Variants in IPO4 observed in about 807,000 individuals in gnomAD.
The protein encoded by IPO4 is importin-4.
Under a neutral mutation model 133.5 loss-of-function variants are expected in IPO4, and 91 were observed. That is an observed-to-expected ratio of 0.68 (90% CI 0.58 to 0.81). The LOEUF (loss-of-function observed/expected upper bound fraction) is 0.81, where lower values mean the gene tolerates loss of function less well. Ranked by LOEUF, IPO4 falls within the 30% of genes least tolerant of loss-of-function variation. The pLI, the probability that IPO4 is intolerant of heterozygous loss-of-function variation, is 0.00. For missense variants in IPO4, 1,279 were observed against 1,386.2 expected (o/e 0.92, Z 1.23); for synonymous variants, 607 against 581.6 (o/e 1.04, Z -0.63).
rs369076527 is a variant in IPO4 at position 24,183,140 on chromosome 14, G to T, written c.2257C>A (p.Pro753Thr). 6.8e-6 allele frequency: 11 copies of T among 1,613,530 alleles called. No individual in the cohort carries two copies. The African/African-American group carries it at 1.2e-4, about 18-fold the overall frequency. The change falls in exon 23 of 30, where the codon CCA becomes ACA. Residue 753 changes from proline (P) to threonine (T), a missense_variant. Physicochemically the swap from Pro to Thr is conservative, Grantham distance 38. Around this residue, in one of 3 missense-constraint regions of IPO4, gnomAD observed 575 missense variants for 653.4 expected, o/e 0.88. Transcript: ENST00000354464. ...ALQAALARVV[P>T]SYMQAVNRER... ...CTGTTCACTGCCTGCATGTAGGATG[G>T]CACGACTCGGGCCAGGGCAGCCTGC...
chr14:24,181,738 G>A lies in IPO4; in HGVS notation c.2913C>T (p.Ala971=), dbSNP rs1566641078. The part of the protein sequence containing the change: ...ICGALARLLM[A]SPTRKPEPQV... The stretch of plus-strand genomic sequence containing the variant: ...GGGGCTCTGGTTTCCTGGTGGGACT[G>A]GCCATCAACAGGCGGGCAAGTGCCC... The change falls in exon 27 of 30, where the codon GCC becomes GCT. Residue 971 remains alanine, a synonymous_variant. Transcript: ENST00000354464. 2.5e-6 allele frequency: 4 copies of A among 1,602,492 alleles called. No homozygotes were observed. The South Asian group carries it at 4.5e-5, about 18-fold the overall frequency.
rs2138823550 is a variant in IPO4, at chr14:24,188,795, A to G, written c.-8T>C. The G allele has an allele frequency of 2.7e-6, 4 of 1,495,018 alleles. No individual in the cohort carries two copies. The South Asian group carries it at 5.5e-5, about 20-fold the overall frequency. The allele number at this position is 1,495,018 out of a possible 1,614,324, so 92.6% of individuals were successfully genotyped here. A position where few individuals can be genotyped will look rare whatever the true frequency, so the allele number is the denominator to read the frequency against. On this transcript the variant is annotated 5_prime_UTR_variant, in exon 1 of 30. Transcript: ENST00000354464. ...TAGCCCGGCTGACTCCATGGCAGCA[A>G]CTGAGCCGCCGCTACTGGGCCGAAA...
At position 24,183,685 on chromosome 14, in the gene IPO4, G is replaced by A. The variant is rs777925556; in HGVS notation, c.1986-18C>T. 1.9e-6 allele frequency: 3 copies of A among 1,614,130 alleles called. No homozygotes were observed. The highest frequency in any genetic ancestry group is 2.2e-5 in the East Asian group (1 of 44,882). ...CGCTGTACCTAGAGTAAGAAGGGGA[G>A]GCAGTGGTGATCAGGCACCAAGAGG... On this transcript the variant is annotated intron_variant, in intron 19 of 29. Coordinates refer to ENST00000354464, the MANE Select transcript of IPO4 (RefSeq NM_024658.4).
Position 24,186,381 on chromosome 14 carries a change from G to C in IPO4, c.911C>G (p.Pro304Arg), listed in dbSNP as rs1200116305. Reference sequence around the variant, plus strand: ...GTCCTCGGGATCCAACTGGCCTGGTGGGGGCTCAGCAGCCACAATGGGGAA... The same window carrying C: ...GTCCTCGGGATCCAACTGGCCTGGTCGGGGCTCAGCAGCCACAATGGGGAA... ...TLFPIVAAEPPPGQLDPEDQD... is the reference protein window; with the variant it reads ...TLFPIVAAEPRPGQLDPEDQD... Residue 304 changes from proline (P) to arginine (R), a missense_variant, in exon 10 of 30, where the codon CCA (proline) becomes CGA (arginine). Transcript: ENST00000354464. 6.2e-7 allele frequency: 1 copy of C among 1,612,844 alleles called. No homozygotes were observed.
At chr14:24,188,169 C>T (rs1300902740) in intron 4 of IPO4, 47 bp downstream of exon 4, 1 of 1,592,302 alleles carries the variant, frequency 6.3e-7, no homozygotes, top group Non-Finnish European at 8.6e-7. Context: ...AAGGCAGAAA[C>T]CTAGACAAAG....
At chr14:24,186,607 C>T (rs1223617268) in intron 9 of IPO4, 101 bp downstream of exon 9, 56 of 1,368,168 alleles carry the variant, frequency 4.1e-5, no homozygotes, top group Non-Finnish European at 5.6e-5. Context: ...CTTGAACCCC[C>T]ACAGTACTTT....
At chr14:24,185,995 T>A (rs777342441) in intron 11 of IPO4, 25 bp from the exon 12 acceptor site, 156 of 1,607,708 alleles carry the variant, frequency 9.7e-5, no homozygotes, top group Non-Finnish European at 4.3e-6. Context: ...GGCACGCTTC[T>A]GAAACCCCAG....
chr14:24,186,676 G>A (rs1349275110), intron 9 of IPO4, 32 bp downstream of exon 9: 1 of 1,571,988 alleles, frequency 6.4e-7, no homozygotes, highest in East Asian at 2.2e-5. Flanking sequence ...AGATGGGGGT[G>A]GGGTGATGTG....
intron 24 of IPO4, 107 bp downstream of exon 24, chr14:24,182,683 CTT>C (rs2039159404): frequency 1.6e-6 from 2 of 1,278,806 alleles, no homozygotes; most frequent in Admixed American, 1.7e-5. Flanking sequence ...TTACCAGTCT[CTT>C]TTAGTGGCCC....
intron 24 of IPO4, 105 bp from the exon 25 acceptor site, chr14:24,182,508 G>C: frequency 1.4e-6 from 2 of 1,466,424 alleles, no homozygotes; most frequent in Non-Finnish European, 1.8e-6. Flanking sequence ...GGCTGCCCTT[G>C]GTTGATAGGG....
chr14:24,180,402 G>A lies in IPO4; in HGVS notation c.*40C>T, dbSNP rs1312927000. On this transcript the variant is annotated 3_prime_UTR_variant, in exon 30 of 30. Transcript: ENST00000354464. The stretch of plus-strand genomic sequence containing the variant: ...GGCTGAGAGGTGGTCTTAAGGCCTG[G>A]GCAGGCTCTATTCTCTCTGGACTGG... 6.3e-6 allele frequency: 10 copies of A among 1,589,400 alleles called. No homozygotes were observed. The highest frequency in any genetic ancestry group is 1.7e-5 in the Admixed American group (1 of 58,060).
intron 4 of IPO4, 41 bp from the exon 5 acceptor site, chr14:24,187,837 C>T (rs1479327473): frequency 1.2e-6 from 2 of 1,611,628 alleles, no homozygotes; most frequent in East Asian, 2.2e-5. Flanking sequence ...CCTTCAATAC[C>T]TTCCTCTGCA....
chr14:24,180,289 C>G lies in IPO4; in HGVS notation c.*153G>C, dbSNP rs1284191318. The G allele has an allele frequency of 2.0e-6, 3 of 1,521,620 alleles. No homozygotes were observed. Among genetic ancestry groups the G allele is most frequent in the African/African-American group, 1.4e-5 (1 of 72,754 alleles). 94.3% of individuals were successfully genotyped at this position (1,521,620 alleles called of 1,614,324 possible). On this transcript the variant is annotated 3_prime_UTR_variant, in exon 30 of 30. Coordinates refer to ENST00000354464, the MANE Select transcript of IPO4 (RefSeq NM_024658.4). ...CATGACTCATTTGTAACAGATCCAG[C>G]CTCAGGGACAGCCCTGTAAGGCAGC...
At chr14:24,185,606 A>G (rs766780211) in intron 12 of IPO4, 39 bp from the exon 13 acceptor site, 2 of 1,547,912 alleles carry the variant, frequency 1.3e-6, no homozygotes, top group Non-Finnish European at 1.8e-6. Flanking sequence ...CTGAGAAGCT[A>G]CACCTGAGAG....
At position 24,185,163 on chromosome 14, in the gene IPO4, C is replaced by T. The variant is rs2039200853; in HGVS notation, c.1408+20G>A. Reference sequence around the variant, plus strand: ...CGCCGCCTCATCCCCCTTCCCCAAGCTCCCCACTGCCATCACTACCTAGGT... The same window carrying T: ...CGCCGCCTCATCCCCCTTCCCCAAGTTCCCCACTGCCATCACTACCTAGGT... On this transcript the variant is annotated intron_variant, in intron 14 of 29. Coordinates refer to ENST00000354464, the MANE Select transcript of IPO4 (RefSeq NM_024658.4). 3 of 1,613,378 alleles carry T rather than the reference C, an allele frequency of 1.9e-6. No individual in the cohort carries two copies. The highest frequency in any genetic ancestry group is 1.3e-5 in the African/African-American group (1 of 74,932).
At chr14:24,186,660 G>T in intron 9 of IPO4, 48 bp downstream of exon 9, 1 of 1,526,348 alleles carries the variant, frequency 6.6e-7, no homozygotes, top group Non-Finnish European at 9.1e-7. Context: ...GTGAGACTAA[G>T]GGTGGAGATG....
At chr14:24,182,599 AC>A in intron 24 of IPO4, 192 bp downstream of exon 24, 1 of 933,000 alleles carries the variant, frequency 1.1e-6, no homozygotes. Context: ...CTCCAAGCAC[AC>A]CCCAGTCCAC....
chr14:24,180,406 G>A lies in IPO4; in HGVS notation c.*36C>T. The A allele has an allele frequency of 1.9e-6, 3 of 1,592,696 alleles. No individual in the cohort carries two copies. Among genetic ancestry groups the A allele is most frequent in the Non-Finnish European group, 1.7e-6 (2 of 1,165,472 alleles). ...GAGAGGTGGTCTTAAGGCCTGGGCA[G>A]GCTCTATTCTCTCTGGACTGGCTGC... On this transcript the variant is annotated 3_prime_UTR_variant, in exon 30 of 30. Coordinates refer to ENST00000354464, the MANE Select transcript of IPO4 (RefSeq NM_024658.4).
chr14:24,188,042 T>C, intron 4 of IPO4, 174 bp downstream of exon 4: 1 of 795,272 alleles, frequency 1.3e-6, no homozygotes, highest in Non-Finnish European at 2.0e-6. Flanking sequence ...GTTTGGCAGA[T>C]CATCATCACC....
Sources: allele counts gnomAD v4.1 joint callset, GRCh38; gene constraint gnomAD v4.1.1; regional missense constraint gnomAD v4.1.1; transcripts MANE v1.5; gene names NCBI Gene and HGNC (gene_info 2026-07-23, HGNC 2026-07-21).